ROPN1L: variants seen among roughly 807,000 people sequenced by gnomAD.
The protein encoded by ROPN1L is ropporin-1-like protein.
In ROPN1L, 23 loss-of-function variants were observed where a neutral mutation model predicts 22.7. That is an observed-to-expected ratio of 1.01 (90% CI 0.73 to 1.43). The LOEUF (loss-of-function observed/expected upper bound fraction) is 1.43. Among genes scored for constraint, ROPN1L ranks in the 40% most tolerant of loss-of-function variants. ROPN1L has a pLI of 0.00. For missense variants in ROPN1L, 271 were observed against 291.5 expected (o/e 0.93, Z 0.51); for synonymous variants, 116 against 117.8 (o/e 0.98, Z 0.10).
the ROPN1L span, among the ~76,000 whole-genome samples, chr5:10,482,682 C>T: frequency 6.6e-6 from 1 of 152,040 alleles, no homozygotes; most frequent in Non-Finnish European, 1.5e-5. Context: ...GGGATGGACA[C>T]GGTAGTGGGT....
chr5:10,457,805 C>A (rs1042969923), intron 3 of ROPN1L, among the ~76,000 whole-genome samples: 1 of 152,256 alleles, frequency 6.6e-6, no homozygotes, highest in African/African-American at 2.4e-5. Context: ...CTGCAGCTCC[C>A]CCGTGAGGAT....
At chr5:10,457,278 G>C (rs1009944744) in intron 3 of ROPN1L, among the ~76,000 whole-genome samples, 1 of 152,222 alleles carries the variant, frequency 6.6e-6, no homozygotes, top group Non-Finnish European at 1.5e-5. Flanking sequence ...GCATGGGAAG[G>C]GGGTGGAAAT....
At chr5:10,473,346 G>T (rs575635486), downstream of ROPN1L, among the ~76,000 whole-genome samples, 1 of 152,282 alleles carries the variant, frequency 6.6e-6, no homozygotes, top group South Asian at 2.1e-4. Flanking sequence ...AAAGAGAAAG[G>T]CAGAGGGGAG....
chr5:10,481,477 G>C, the ROPN1L span, among the ~76,000 whole-genome samples: 1 of 152,218 alleles, frequency 6.6e-6, no homozygotes, highest in Non-Finnish European at 1.5e-5. Context: ...TCTGGGGCAT[G>C]GGCTTGCAAC....
intron 1 of ROPN1L, among the ~76,000 whole-genome samples, chr5:10,444,737 A>G (rs1314610471): frequency 6.6e-6 from 1 of 151,056 alleles, no homozygotes; most frequent in Non-Finnish European, 1.5e-5. Context: ...CATCTCTACT[A>G]AAAATACAAA....
At chr5:10,445,712 G>A (rs571563696) in intron 1 of ROPN1L, among the ~76,000 whole-genome samples, 1 of 152,300 alleles carries the variant, frequency 6.6e-6, no homozygotes, top group East Asian at 1.9e-4. Flanking sequence ...GGTTACTTGA[G>A]CTCAGGAGCT....
downstream of ROPN1L, among the ~76,000 whole-genome samples, chr5:10,467,291 GAAACA>G (rs146868166): frequency 0.062 from 9,246 of 148,914 alleles, 404 homozygotes; most frequent in Non-Finnish European, 0.094. Flanking sequence ...AAAAAAACCA[GAAACA>G]AAACAAAACA....
intron 4 of ROPN1L, among the ~76,000 whole-genome samples, chr5:10,464,397 G>T (rs1247591285): frequency 6.6e-6 from 1 of 152,204 alleles, no homozygotes; most frequent in Admixed American, 6.5e-5. Context: ...CGCCATCCGG[G>T]TCATGCTGGG....
In ROPN1L at chr5:10,464,929, T is replaced by A; in HGVS notation, c.675T>A (p.Ser225=). The A allele has an allele frequency of 6.3e-7, 1 of 1,596,800 alleles. No homozygotes were observed. The highest frequency in any genetic ancestry group is 8.6e-7 in the Non-Finnish European group (1 of 1,169,482). The change falls in exon 5 of 5, where the codon TCT becomes TCA. Residue 225 remains serine (S), a synonymous_variant. Coordinates refer to ENST00000274134, the MANE Select transcript of ROPN1L (RefSeq NM_031916.5). Reference sequence around the variant, plus strand: ...AACTTTTAGAAAGCATTGAAAACTCTGAAGATGTAGGCCATTAATACAGAG... The same window carrying A: ...AACTTTTAGAAAGCATTGAAAACTCAGAAGATGTAGGCCATTAATACAGAG... ...KRKLLESIEN[S]EDVGH
chr5:10,457,831 C>T (rs1734875362), intron 3 of ROPN1L, among the ~76,000 whole-genome samples: 2 of 152,238 alleles, frequency 1.3e-5, no homozygotes, highest in Admixed American at 6.5e-5. Flanking sequence ...TCCACCCTGG[C>T]CCTCCTGTGT....
In ROPN1L at chr5:10,461,323, A is replaced by C; in HGVS notation, c.557A>C (p.Glu186Ala). ...TTAGACTCAGATGTGTCTCCCTTGGAGACGGAATCCTACCTTGCCTCTCTA... is the reference window on the plus strand; with the variant it reads ...TTAGACTCAGATGTGTCTCCCTTGGCGACGGAATCCTACCTTGCCTCTCTA... Reference protein sequence around the residue: ...ARLDSDVSPLETESYLASLKE... With the variant: ...ARLDSDVSPLATESYLASLKE... Residue 186 changes from glutamate (E) to alanine (A), a missense_variant, in exon 4 of 5, where the codon GAG becomes GCG. Transcript: ENST00000274134. The C allele has an allele frequency of 6.2e-7, 1 of 1,614,064 alleles. No homozygotes were observed. Among genetic ancestry groups the C allele is most frequent in the Non-Finnish European group, 8.5e-7 (1 of 1,179,994 alleles).
chr5:10,472,756 C>T (rs905427591), downstream of ROPN1L, among the ~76,000 whole-genome samples: 7 of 152,186 alleles, frequency 4.6e-5, no homozygotes, highest in East Asian at 1.9e-4. Flanking sequence ...GTTTTCCACA[C>T]GCTAACTCAT....
downstream of ROPN1L, among the ~76,000 whole-genome samples, chr5:10,472,661 C>T (rs979413716): frequency 2.0e-5 from 3 of 152,140 alleles, no homozygotes; most frequent in South Asian, 2.1e-4. Flanking sequence ...CAACCCCATA[C>T]GTGCCAGGCC....
chr5:10,447,015 AAGAG>A (rs1741089662), intron 1 of ROPN1L, among the ~76,000 whole-genome samples: 1 of 152,208 alleles, frequency 6.6e-6, no homozygotes, highest in Admixed American at 6.5e-5. Context: ...GAGGGGTGTA[AAGAG>A]AGAGAAAGGA....
At chr5:10,442,591 A>C (rs1579638643) in intron 1 of ROPN1L, among the ~76,000 whole-genome samples, 1 of 152,282 alleles carries the variant, frequency 6.6e-6, no homozygotes, top group East Asian at 1.9e-4. Flanking sequence ...AAAACTTAAC[A>C]AAGTAATTGC....
At chr5:10,463,699 C>T (rs1048815979) in intron 4 of ROPN1L, among the ~76,000 whole-genome samples, 21 of 152,148 alleles carry the variant, frequency 1.4e-4, no homozygotes, top group African/African-American at 4.6e-4. Context: ...GCGCAGGTGC[C>T]GGGGATGTAG....
chr5:10,466,231 A>T (rs185418905), downstream of ROPN1L, among the ~76,000 whole-genome samples: 10 of 152,268 alleles, frequency 6.6e-5, no homozygotes, highest in East Asian at 1.9e-3. Context: ...GCCCCTCTAA[A>T]ACTTAGAGGG....
At chr5:10,459,818 C>T (rs1734980698) in intron 3 of ROPN1L, among the ~76,000 whole-genome samples, 1 of 151,808 alleles carries the variant, frequency 6.6e-6, no homozygotes, top group African/African-American at 2.4e-5. Context: ...TGTTGTGGCT[C>T]TCCCACTTGA....
the ROPN1L span, among the ~76,000 whole-genome samples, chr5:10,478,416 T>G: frequency 6.6e-6 from 1 of 152,156 alleles, no homozygotes; most frequent in Non-Finnish European, 1.5e-5. Context: ...GCTAGAAATT[T>G]TTGGACTTCT....
Sources: allele counts gnomAD v4.1 joint callset (sites outside exome capture counted in the v4.1 genomes callset), GRCh38; gene constraint gnomAD v4.1.1; transcripts MANE v1.5; gene names NCBI Gene and HGNC (gene_info 2026-07-23, HGNC 2026-07-21).